The following NEK9 variants were observed in gnomAD, a reference collection of about 807,000 sequenced individuals.
The protein encoded by NEK9 is serine/threonine-protein kinase Nek9.
NEK9 carries 75 observed loss-of-function variants against 123.4 expected under a neutral mutation model. The observed-to-expected ratio is 0.61, with a 90% CI of 0.50 to 0.74. NEK9 has a LOEUF of 0.74. Among genes scored for constraint, NEK9 ranks in the 30% least tolerant of loss-of-function variants. NEK9 has a pLI of 0.00. For missense variants in NEK9, 952 were observed against 1,214.4 expected, an observed-to-expected ratio of 0.78 and a Z score of 3.21; for synonymous variants, 438 against 458.7, an observed-to-expected ratio of 0.95 and a Z score of 0.58.
rs183061140 is a variant in NEK9, at chr14:75,086,668, G to A, written c.2817+350C>T. 5 of 231,494 alleles carry A rather than the reference G, an allele frequency of 2.2e-5. No individual in the cohort carries two copies. The Admixed American group carries it at 2.4e-4, about 11-fold the overall frequency. The allele number at this position is 231,494 out of a possible 1,614,324, so 14.3% of individuals were successfully genotyped here. On this transcript the variant is annotated intron_variant, in intron 21 of 21. Transcript: ENST00000238616. Reference sequence around the variant, plus strand: ...CACACCTGTAATCCCAGCACTTTGGGAGGCTGAGGCGGGTGGATCATGAAG... The same window carrying A: ...CACACCTGTAATCCCAGCACTTTGGAAGGCTGAGGCGGGTGGATCATGAAG...
intron 2 of NEK9, among the ~76,000 whole-genome samples, chr14:75,122,991 C>T (rs1895391477): frequency 6.6e-6 from 1 of 151,894 alleles, no homozygotes; most frequent in African/African-American, 2.4e-5. Context: ...GACAGGGTTT[C>T]ACTATGTTGC....
At position 75,099,109 on chromosome 14, in the gene NEK9, A is replaced by G. The variant is rs976333384; in HGVS notation, c.2003-1839T>C. 3.9e-5 allele frequency among the ~76,000 whole-genome samples: 6 copies of G among 152,372 alleles called. No individual in the cohort carries two copies. The East Asian group carries it at 1.2e-3, about 29-fold the overall frequency. ...AACAGGCATGGACCAAAAGAAAACA[A>G]GGATATCTCAGAGCACAAGCAACAA... On this transcript the variant is annotated intron_variant, in intron 16 of 21. Coordinates refer to ENST00000238616, the MANE Select transcript of NEK9 (RefSeq NM_033116.6).
rs1893881408 is a variant in NEK9, at chr14:75,082,079, A to C, written c.*2485T>G. 6.6e-6 allele frequency: 1 copy of C among 152,242 alleles called. No individual in the cohort carries two copies. The highest frequency in any genetic ancestry group is 2.1e-4 in the South Asian group (1 of 4,834). 9.4% of individuals were successfully genotyped at this position (152,242 alleles called of 1,614,324 possible). A position where few individuals can be genotyped will look rare whatever the true frequency, so the allele number is the denominator to read the frequency against. On this transcript the variant is annotated 3_prime_UTR_variant, in exon 22 of 22. Transcript: ENST00000238616. ...TAGAATCTGGATGTTTTATCCCCAG[A>C]GACTAAGGTCCATGCACAGGCTTAC...
At chr14:75,091,111 T>C (rs888699735) in intron 19 of NEK9, among the ~76,000 whole-genome samples, 159 bp downstream of exon 19, 6 of 152,210 alleles carry the variant, frequency 3.9e-5, no homozygotes, top group African/African-American at 1.4e-4. Context: ...AAAGGATTAG[T>C]GATTAGGCAA....
rs1894921730 is a variant in NEK9 at position 75,110,382 on chromosome 14, A to C, written c.939-11T>G. On this transcript the variant is annotated splice_polypyrimidine_tract_variant and intron_variant, in intron 8 of 21. Coordinates refer to ENST00000238616, the MANE Select transcript of NEK9 (RefSeq NM_033116.6). ...TTTTCCTCCATCTCTCTACCAAAAG[A>C]AAAGCAAAGATACATGAGTGAAATA... 2 of 1,607,704 alleles carry C rather than the reference A, an allele frequency of 1.2e-6. No individual in the cohort carries two copies. The highest frequency in any genetic ancestry group is 2.7e-5 in the African/African-American group (2 of 74,800).
At position 75,117,175 on chromosome 14, in the gene NEK9, G is replaced by T. The variant is rs766564903; in HGVS notation, c.762+20C>A. 1.9e-6 allele frequency: 3 copies of T among 1,609,298 alleles called. No homozygotes were observed. In the South Asian group the frequency reaches 3.3e-5, roughly 18 times the overall value. On this transcript the variant is annotated intron_variant, in intron 6 of 21. Coordinates refer to ENST00000238616, the MANE Select transcript of NEK9 (RefSeq NM_033116.6). ...TTTGCAACCTGCTAAATGCAATATG[G>T]GGATAATATGCCAACTTACTGTAGC...
chr14:75,119,503 A>C (rs980896542), intron 4 of NEK9, among the ~76,000 whole-genome samples: 1 of 152,200 alleles, frequency 6.6e-6, no homozygotes, highest in African/African-American at 2.4e-5. Context: ...CTCCCATACT[A>C]CTGAAGCTAT....
intron 9 of NEK9, 122 bp from the exon 10 acceptor site, chr14:75,109,999 CG>C: frequency 9.8e-7 from 1 of 1,022,364 alleles, no homozygotes. Context: ...TGTTCTTTCT[CG>C]ACAACTTGTT....
chr14:75,121,186 C>T lies in NEK9; in HGVS notation c.398-12G>A, dbSNP rs1895321214. Reference sequence around the variant, plus strand: ...ATACAGGTTCCCTCCTGCAATTAAACAAGACACAGATTTGAATTGCTTAAT... The same window carrying T: ...ATACAGGTTCCCTCCTGCAATTAAATAAGACACAGATTTGAATTGCTTAAT... On this transcript the variant is annotated splice_polypyrimidine_tract_variant and intron_variant, in intron 2 of 21. Transcript: ENST00000238616. 1 of 1,610,868 alleles carries T rather than the reference C, an allele frequency of 6.2e-7. No individual in the cohort carries two copies. Among genetic ancestry groups the T allele is most frequent in the Non-Finnish European group, 8.5e-7 (1 of 1,177,238 alleles).
At chr14:75,127,056 G>GC, upstream of NEK9, 6 of 653,190 alleles carry the variant, frequency 9.2e-6, no homozygotes, top group South Asian at 8.8e-5. Context: ...GGTGGCTCCT[G>GC]CCCCCCGACC....
intron 10 of NEK9, among the ~76,000 whole-genome samples, chr14:75,108,514 CGTGTGTGTGTGTGTGTGTGTGT>C (rs35358755): frequency 2.0e-5 from 3 of 147,816 alleles, no homozygotes; most frequent in South Asian, 4.3e-4. Context: ...TGTGCGTGTG[CGTGTGTGTGTGTGTGTGTGTGT>C]GTGTGTGTGA....
chr14:75,124,321 G>A (rs990651734), intron 1 of NEK9, 98 bp from the exon 2 acceptor site: 1 of 1,017,312 alleles, frequency 9.8e-7, no homozygotes, highest in South Asian at 1.6e-5. Context: ...CTTCCTAGAG[G>A]GGCACAGACT....
intron 2 of NEK9, among the ~76,000 whole-genome samples, chr14:75,123,429 A>T (rs1895410005): frequency 6.6e-6 from 1 of 151,906 alleles, no homozygotes; most frequent in Admixed American, 6.6e-5. Context: ...TAATAATAAA[A>T]ATAAAATGAG....
rs973044176 is a variant in NEK9, at chr14:75,087,193, T to G, written c.2642A>C (p.Lys881Thr). The change falls in exon 21 of 22, where the codon AAG becomes ACG. Residue 881 changes from lysine (K) to threonine (T), a missense_variant. Coordinates refer to ENST00000238616, the MANE Select transcript of NEK9 (RefSeq NM_033116.6). ...CGCAGGAGGAGTCAGTGGTGTTCCCTTCCCAGCACAGGTTACTGCAGGATT... is the reference window on the plus strand; with the variant it reads ...CGCAGGAGGAGTCAGTGGTGTTCCCGTCCCAGCACAGGTTACTGCAGGATT... ...RLNPAVTCAG[K>T]GTPLTPPACA... The G allele has an allele frequency of 6.2e-7, 1 of 1,613,860 alleles. No homozygotes were observed. Among genetic ancestry groups the G allele is most frequent in the Non-Finnish European group, 8.5e-7 (1 of 1,179,892 alleles).
At chr14:75,111,146 C>G (rs1894946418) in intron 8 of NEK9, among the ~76,000 whole-genome samples, 1 of 152,154 alleles carries the variant, frequency 6.6e-6, no homozygotes, top group African/African-American at 2.4e-5. Context: ...ATGTGATACC[C>G]ACTCTATCTT....
chr14:75,084,688 T>C lies in NEK9; in HGVS notation c.2818-2A>G, dbSNP rs1893966145. 4.3e-6 allele frequency: 7 copies of C among 1,614,030 alleles called. No homozygotes were observed. Among genetic ancestry groups the C allele is most frequent in the Non-Finnish European group, 5.9e-6 (7 of 1,179,954 alleles). On this transcript the variant is annotated splice_acceptor_variant, in intron 21 of 21. Transcript: ENST00000238616. LOFTEE classifies it high-confidence loss of function. The stretch of plus-strand genomic sequence containing the variant: ...AGTTCCTTTGGAATGCATCCCCACC[T>C]GTCCGGATAAAACACGGTTCCACAT...
At chr14:75,105,871 G>A in intron 13 of NEK9, 79 bp downstream of exon 13, 1 of 1,127,570 alleles carries the variant, frequency 8.9e-7, no homozygotes, top group South Asian at 1.3e-5. Context: ...TGATACAACA[G>A]AGCCAAGGAA....
At chr14:75,098,129 G>A (rs1212703171) in intron 16 of NEK9, among the ~76,000 whole-genome samples, 2 of 152,190 alleles carry the variant, frequency 1.3e-5, no homozygotes, top group African/African-American at 4.8e-5. Flanking sequence ...AGTGGAGATG[G>A]TGAGAAGTGG....
chr14:75,093,195 G>T (rs1030412756), intron 18 of NEK9, among the ~76,000 whole-genome samples: 3 of 152,134 alleles, frequency 2.0e-5, no homozygotes, highest in Non-Finnish European at 4.4e-5. Flanking sequence ...ACTCTCTGGA[G>T]TGCTCAATAG....
Sources: allele counts gnomAD v4.1 joint callset (sites outside exome capture counted in the v4.1 genomes callset), GRCh38; gene constraint gnomAD v4.1.1; transcripts MANE v1.5; gene names NCBI Gene and HGNC (gene_info 2026-07-23, HGNC 2026-07-21).